The following PACRG variants were observed in gnomAD, a reference collection of about 807,000 sequenced individuals.
PACRG encodes parkin coregulated, also known as parkin coregulated gene protein.
Under a neutral mutation model 29.7 loss-of-function variants are expected in PACRG, and 29 were observed. The observed-to-expected ratio is 0.98, with a 90% CI of 0.73 to 1.33. PACRG has a LOEUF of 1.33. Ranked by LOEUF, PACRG falls within the 40% of genes most tolerant of loss-of-function variation. PACRG has a pLI of 0.00. For synonymous variants in PACRG, 116 were observed against 118.7 expected (o/e 0.98, Z 0.15); for missense variants, 279 against 316.2 (o/e 0.88, Z 0.89).
intron 2 of PACRG, among the ~76,000 whole-genome samples, chr6:162,820,325 A>G (rs1429863182): frequency 6.6e-6 from 1 of 151,912 alleles, no homozygotes; most frequent in African/African-American, 2.4e-5. Context: ...TTTATTTCTC[A>G]GCAGCATTGG....
chr6:162,851,805 A>C lies in PACRG; in HGVS notation c.291+37524A>C, dbSNP rs78901719. 6.6e-5 allele frequency among the ~76,000 whole-genome samples: 10 copies of C among 152,238 alleles called. No homozygotes were observed. The East Asian group carries it at 1.9e-3, about 29-fold the overall frequency. ...AAAAATTTCCCATAACCATGTGTCC[A>C]AGAATTTAAATATATTTAAAATGTG... On this transcript the variant is annotated intron_variant, in intron 2 of 4. Transcript: ENST00000366888.
Position 163,314,894 on chromosome 6 carries a change from G to A in PACRG, c.681G>A (p.Glu227=). The A allele has an allele frequency of 6.2e-7, 1 of 1,614,196 alleles. No individual in the cohort carries two copies. Among genetic ancestry groups the A allele is most frequent in the African/African-American group, 1.3e-5 (1 of 75,054 alleles). ...AGAACATTGGGGACTTGATCCAGGA[G>A]ACACTGGAGGCCTTCGAGCGCTACG... ...KRENIGDLIQ[E]TLEAFERYGG... Residue 227 remains glutamate, a synonymous_variant, in exon 5 of 5, where the codon GAG becomes GAA. Transcript: ENST00000366888.
At chr6:162,807,739 C>T (rs1786479365) in intron 1 of PACRG, among the ~76,000 whole-genome samples, 1 of 152,088 alleles carries the variant, frequency 6.6e-6, no homozygotes, top group East Asian at 1.9e-4. Context: ...GATGCAGAGA[C>T]ATGAAGTGAG....
chr6:163,147,010 G>A (rs1777830100), intron 4 of PACRG, among the ~76,000 whole-genome samples: 1 of 152,160 alleles, frequency 6.6e-6, no homozygotes, highest in Non-Finnish European at 1.5e-5. Context: ...GCACGTGGAT[G>A]CTATCAATTC....
intron 1 of PACRG, among the ~76,000 whole-genome samples, chr6:162,776,518 A>T (rs987487386): frequency 1.3e-5 from 2 of 152,164 alleles, no homozygotes; most frequent in Non-Finnish European, 2.9e-5. Context: ...GGGATTAAAG[A>T]TAGCGTCCAG....
chr6:162,732,031 C>T (rs184779907), intron 1 of PACRG, among the ~76,000 whole-genome samples: 8 of 152,258 alleles, frequency 5.3e-5, no homozygotes, highest in Non-Finnish European at 8.8e-5. Flanking sequence ...AATACCTGCC[C>T]TCAAGAAGGA....
chr6:162,745,092 T>C (rs918848152), intron 1 of PACRG, among the ~76,000 whole-genome samples: 4 of 152,224 alleles, frequency 2.6e-5, no homozygotes, highest in African/African-American at 9.6e-5. Flanking sequence ...TTAATGGCCT[T>C]AAAATGAAAT....
intron 2 of PACRG, among the ~76,000 whole-genome samples, chr6:163,037,356 G>A (rs894572624): frequency 6.6e-6 from 1 of 152,132 alleles, no homozygotes; most frequent in Admixed American, 6.5e-5. Flanking sequence ...ACAAATGTTC[G>A]GCTGAGCTCC....
chr6:162,942,413 AT>A (rs1323102632), intron 2 of PACRG, among the ~76,000 whole-genome samples: 2 of 150,130 alleles, frequency 1.3e-5, no homozygotes, highest in Admixed American at 6.6e-5. Flanking sequence ...TTTTCATTCT[AT>A]TTTTTTTTCT....
At chr6:162,931,223 T>G (rs1797829779) in intron 2 of PACRG, among the ~76,000 whole-genome samples, 1 of 151,920 alleles carries the variant, frequency 6.6e-6, no homozygotes, top group Admixed American at 6.6e-5. Flanking sequence ...ATTCAACTTC[T>G]TTATCAGATG....
intron 3 of PACRG, among the ~76,000 whole-genome samples, chr6:163,068,387 A>G (rs1811739328): frequency 6.6e-6 from 1 of 151,986 alleles, no homozygotes; most frequent in Non-Finnish European, 1.5e-5. Flanking sequence ...CTGAATTTCT[A>G]GTCATTTGCC....
intron 4 of PACRG, among the ~76,000 whole-genome samples, chr6:163,211,870 AAGCCACCAAATGGAGCTGAGCACGTGC>A (rs1781157420): frequency 6.6e-6 from 1 of 152,156 alleles, no homozygotes; most frequent in Admixed American, 6.5e-5. Context: ...ATTCAGCCCA[AAGCCACCAAATGGAGCTGAGCACGTGC>A]AGTCAGCGTC....
At chr6:163,269,901 A>G (rs1175130956) in intron 4 of PACRG, among the ~76,000 whole-genome samples, 1 of 77,814 alleles carries the variant, frequency 1.3e-5, no homozygotes. Context: ...AAACAAAGAA[A>G]GAAAGAAAGA....
chr6:163,124,794 C>CCATG (rs1219882277), intron 4 of PACRG, among the ~76,000 whole-genome samples: 2 of 152,110 alleles, frequency 1.3e-5, no homozygotes, highest in Non-Finnish European at 1.5e-5. Flanking sequence ...TTGCATTGCC[C>CCATG]CATGTAGGCT....
At chr6:163,169,777 G>A (rs894620879) in intron 4 of PACRG, among the ~76,000 whole-genome samples, 17 of 152,180 alleles carry the variant, frequency 1.1e-4, no homozygotes, top group Admixed American at 3.9e-4. Flanking sequence ...CTTGGGGAGC[G>A]CCTTCTTCTG....
intron 2 of PACRG, among the ~76,000 whole-genome samples, chr6:162,901,121 A>G (rs1052033465): frequency 1.3e-5 from 2 of 152,220 alleles, no homozygotes; most frequent in Admixed American, 6.5e-5. Context: ...GAGAGATAAG[A>G]CATCCATTTT....
At chr6:162,945,667 A>T (rs563892605) in intron 2 of PACRG, among the ~76,000 whole-genome samples, 1 of 152,252 alleles carries the variant, frequency 6.6e-6, no homozygotes, top group East Asian at 1.9e-4. Flanking sequence ...TATTTATAGA[A>T]TATTTGAACT....
At chr6:163,261,738 C>G (rs1783333429) in intron 4 of PACRG, among the ~76,000 whole-genome samples, 2 of 152,154 alleles carry the variant, frequency 1.3e-5, no homozygotes, top group African/African-American at 4.8e-5. Flanking sequence ...TTTTTCTTGT[C>G]ATTGTTCCCT....
chr6:162,770,210 T>C (rs143797608), intron 1 of PACRG, among the ~76,000 whole-genome samples: 527 of 152,300 alleles, frequency 3.5e-3, no homozygotes, highest in Admixed American at 5.9e-3. Flanking sequence ...CAGTGTTATA[T>C]ATTCCACCAG....
Sources: allele counts gnomAD v4.1 joint callset (sites outside exome capture counted in the v4.1 genomes callset), GRCh38; gene constraint gnomAD v4.1.1; transcripts MANE v1.5; gene names NCBI Gene and HGNC (gene_info 2026-07-23, HGNC 2026-07-21).